The following SFTPD variants were observed in gnomAD, a reference collection of about 807,000 sequenced individuals.
The protein encoded by SFTPD is pulmonary surfactant-associated protein D.
In SFTPD, 18 loss-of-function variants were observed where a neutral mutation model predicts 34.6. The ratio of observed to expected loss-of-function variants is 0.52; its 90% CI spans 0.36 to 0.77. SFTPD has a LOEUF of 0.77. Ranked by LOEUF, SFTPD falls within the 30% of genes least tolerant of loss-of-function variation. The pLI is 0.00. For missense variants in SFTPD, 433 were observed against 468.9 expected, an observed-to-expected ratio of 0.92 and a Z score of 0.71; for synonymous variants, 155 against 180.9, an observed-to-expected ratio of 0.86 and a Z score of 1.15.
At chr10:79,946,772 C>T (rs1055267180) in intron 1 of SFTPD, 110 bp from the exon 2 acceptor site, 10 of 966,260 alleles carry the variant, frequency 1.0e-5, no homozygotes, top group Non-Finnish European at 1.6e-5. Context: ...CTCCTTCTGT[C>T]CTCTGCTATG....
At chr10:79,948,690 C>G (rs1011417199) in intron 1 of SFTPD, among the ~76,000 whole-genome samples, 1 of 152,166 alleles carries the variant, frequency 6.6e-6, no homozygotes, top group African/African-American at 2.4e-5. Flanking sequence ...CTGTGAGTGC[C>G]TGGGTTTGTC....
At chr10:79,952,278 G>A (rs957325822), upstream of SFTPD, among the ~76,000 whole-genome samples, 2 of 152,210 alleles carry the variant, frequency 1.3e-5, no homozygotes, top group African/African-American at 4.8e-5. Flanking sequence ...CTGCCCCCAG[G>A]AGCCCTCAAA....
intron 1 of SFTPD, among the ~76,000 whole-genome samples, chr10:79,963,478 C>G (rs1398547160): frequency 6.6e-6 from 1 of 152,070 alleles, no homozygotes; most frequent in Non-Finnish European, 1.5e-5. Flanking sequence ...TGTCAGAGTA[C>G]CTATCCTAGC....
intron 7 of SFTPD, among the ~76,000 whole-genome samples, chr10:79,938,706 T>G (rs946339871): frequency 1.2e-4 from 18 of 151,858 alleles, no homozygotes; most frequent in Non-Finnish European, 8.8e-5. Flanking sequence ...TGTACAACAG[T>G]AGGGGATGTG....
chr10:79,939,467 T>C (rs773948999), intron 7 of SFTPD, among the ~76,000 whole-genome samples: 1 of 152,248 alleles, frequency 6.6e-6, no homozygotes, highest in Non-Finnish European at 1.5e-5. Flanking sequence ...TATATGTGCA[T>C]CTACCCAAAG....
chr10:79,959,690 A>G (rs1011085836), intron 1 of SFTPD, among the ~76,000 whole-genome samples: 1 of 152,220 alleles, frequency 6.6e-6, no homozygotes, highest in Non-Finnish European at 1.5e-5. Context: ...GACCAGATGG[A>G]TTCACAGCCA....
At chr10:79,960,077 C>G (rs951315897) in intron 1 of SFTPD, among the ~76,000 whole-genome samples, 97 of 152,064 alleles carry the variant, frequency 6.4e-4, no homozygotes, top group Non-Finnish European at 1.1e-3. Context: ...CAGAAAAGGC[C>G]TTTGACAAAA....
intron 1 of SFTPD, among the ~76,000 whole-genome samples, chr10:79,964,709 ACTC>A (rs1307713858): frequency 6.6e-6 from 1 of 150,732 alleles, no homozygotes; most frequent in Admixed American, 6.6e-5. Context: ...CTATTCTACT[ACTC>A]CTCAGGAACT....
At chr10:79,971,729 A>G (rs1193453904) in intron 1 of SFTPD, 1 of 151,952 alleles carries the variant, frequency 6.6e-6, no homozygotes, top group Non-Finnish European at 1.5e-5. Context: ...GAATGCTCTT[A>G]TATGTGACTT....
chr10:79,973,833 T>C lies in SFTPD; in HGVS notation c.36+8742A>G, dbSNP rs112023749. Among the ~76,000 whole-genome samples the C allele has an allele frequency of 2.7e-3, 411 of 152,284 alleles. 2 individuals carry two copies. The highest frequency in any genetic ancestry group is 9.6e-3 in the African/African-American group (399 of 41,556). ...AGTCTGGAATAACACCACAGTGTCA[T>C]GCAGTGAACTTCTTGGGATGACTCT... On this transcript the variant is annotated intron_variant, in intron 1 of 5. Coordinates refer to the SFTPD transcript ENST00000444384.
intron 2 of SFTPD, among the ~76,000 whole-genome samples, chr10:79,944,285 T>C (rs141045410): frequency 5.9e-5 from 9 of 152,320 alleles, no homozygotes; most frequent in African/African-American, 1.4e-4. Context: ...CTCTATCTCA[T>C]AGAAACAGAT....
upstream of SFTPD, among the ~76,000 whole-genome samples, chr10:79,949,600 A>G (rs1487744802): frequency 6.6e-6 from 1 of 152,230 alleles, no homozygotes; most frequent in East Asian, 1.9e-4. Flanking sequence ...CTGCAGAGGC[A>G]GCAGCATGTG....
intron 1 of SFTPD, among the ~76,000 whole-genome samples, chr10:79,948,401 G>C (rs1589336919): frequency 6.6e-6 from 1 of 152,204 alleles, no homozygotes; most frequent in African/African-American, 2.4e-5. Context: ...GCAGACCCGG[G>C]TTTTCAGGCC....
intron 1 of SFTPD, chr10:79,968,474 G>A (rs960422376): frequency 2.0e-5 from 3 of 152,136 alleles, no homozygotes; most frequent in African/African-American, 7.2e-5. Context: ...TTCTATCCAT[G>A]TTGCTGCAAA....
chr10:79,944,530 C>CG lies in SFTPD; in HGVS notation c.200-1652dup, dbSNP rs533225540. On this transcript the variant is annotated intron_variant, in intron 2 of 7. Coordinates refer to ENST00000372292, the MANE Select transcript of SFTPD (RefSeq NM_003019.5). ...AAAGAGGGAGGAGGCTGAGCGTGAC[C>CG]GGGGGCCAGAAAGAAGCTATGTGGT... Among the ~76,000 whole-genome samples, 287 of 152,056 alleles carry CG rather than the reference C, an allele frequency of 1.9e-3. No individual in the cohort carries two copies. In the Middle Eastern group the frequency reaches 0.024, roughly 13 times the overall value.
intron 1 of SFTPD, among the ~76,000 whole-genome samples, chr10:79,960,462 T>C (rs1842765657): frequency 6.7e-6 from 1 of 148,720 alleles, no homozygotes; most frequent in Non-Finnish European, 1.5e-5. Flanking sequence ...GGATACAAAA[T>C]CAATGTACAA....
intron 1 of SFTPD, among the ~76,000 whole-genome samples, chr10:79,963,832 C>A (rs1013502980): frequency 1.3e-5 from 2 of 152,184 alleles, no homozygotes; most frequent in African/African-American, 4.8e-5. Context: ...CATGTTGCTG[C>A]AAAGGACATG....
intron 1 of SFTPD, chr10:79,972,509 C>CATAG (rs113549673): frequency 0.075 from 8,321 of 111,206 alleles, 502 homozygotes; most frequent in East Asian, 0.39. Context: ...AAAACACACA[C>CATAG]ACAGACACAC....
chr10:79,969,356 C>A (rs1842822323), intron 1 of SFTPD: 1 of 152,092 alleles, frequency 6.6e-6, no homozygotes, highest in African/African-American at 2.4e-5. Context: ...CGCCTGTAAT[C>A]CCAGCTACTT....
Sources: gnomAD v4.1 joint callset for allele counts (sites outside exome capture counted in the v4.1 genomes callset) on GRCh38, gnomAD v4.1.1 for gene constraint, MANE v1.5 for transcripts, NCBI Gene and HGNC (gene_info 2026-07-23, HGNC 2026-07-21) for gene names.